USP48: variants seen among roughly 807,000 people sequenced by gnomAD.
USP48 encodes ubiquitin carboxyl-terminal hydrolase 48.
In USP48, 43 loss-of-function variants were observed where a neutral mutation model predicts 150.7. The ratio of observed to expected loss-of-function variants is 0.29; its 90% CI spans 0.22 to 0.37. USP48 has a LOEUF of 0.37. Among genes scored for constraint, USP48 ranks in the 10% least tolerant of loss-of-function variants. USP48 has a pLI of 1.00. For synonymous variants in USP48, 396 were observed against 425.9 expected (o/e 0.93, Z 0.86); for missense variants, 813 against 1,249.6 (o/e 0.65, Z 5.27).
At chr1:21,753,628 A>G (rs913054043) in intron 3 of USP48, among the ~76,000 whole-genome samples, 1 of 151,758 alleles carries the variant, frequency 6.6e-6, no homozygotes, top group African/African-American at 2.4e-5. Context: ...GGAGTTCAAG[A>G]CCAGCCTGGC....
rs760049862 is a variant in USP48, at chr1:21,723,992, C to T, written c.1554G>A (p.Lys518=). The stretch of plus-strand genomic sequence containing the variant: ...TAATTGATATTTTATCCGGGTGAAG[C>T]TTGTCATGGGAACACAGGCAAGCGT... The part of the protein sequence containing the change: ...DNHACLCSHD[K]LHPDKISIMK... Residue 518 remains lysine (K), a synonymous_variant, in exon 12 of 27, where the codon AAG becomes AAA. Coordinates refer to ENST00000308271, the MANE Select transcript of USP48 (RefSeq NM_032236.8). The T allele has an allele frequency of 1.2e-6, 2 of 1,614,144 alleles. No individual in the cohort carries two copies. Among genetic ancestry groups the T allele is most frequent in the East Asian group, 2.2e-5 (1 of 44,886 alleles).
At chr1:21,695,499 C>T (rs1449158520) in intron 22 of USP48, among the ~76,000 whole-genome samples, 1 of 152,168 alleles carries the variant, frequency 6.6e-6, no homozygotes, top group African/African-American at 2.4e-5. Flanking sequence ...AGGCTCCCAC[C>T]TATAATCCCA....
intron 15 of USP48, among the ~76,000 whole-genome samples, chr1:21,708,081 G>A (rs1026201181): frequency 2.6e-5 from 4 of 152,140 alleles, no homozygotes; most frequent in African/African-American, 7.2e-5. Flanking sequence ...AGGACTCCTT[G>A]AGCCTAGGAG....
chr1:21,689,304 C>T (rs1470125882), intron 24 of USP48, among the ~76,000 whole-genome samples: 1 of 64,080 alleles, frequency 1.6e-5, no homozygotes, highest in African/African-American at 6.6e-5. Flanking sequence ...CCATCTAGTC[C>T]AAAAAAAGGA....
At position 21,679,393 on chromosome 1, in the gene USP48, T is replaced by G. The variant is rs1298512658; in HGVS notation, c.*24A>C. ...CTCCTCTTCCCCTCTGGTCATTTCT[T>G]AGCAGTCAGCAAGTATTCAAAGATT... On this transcript the variant is annotated 3_prime_UTR_variant, in exon 27 of 27. Transcript: ENST00000308271. The G allele has an allele frequency of 6.2e-7, 1 of 1,614,108 alleles. No individual in the cohort carries two copies.
intron 25 of USP48, among the ~76,000 whole-genome samples, chr1:21,682,602 C>A (rs1327607252): frequency 1.3e-5 from 2 of 152,110 alleles, no homozygotes; most frequent in Admixed American, 1.3e-4. Flanking sequence ...GTGGGCCAGG[C>A]GTAGTGGCTC....
intron 1 of USP48, among the ~76,000 whole-genome samples, chr1:21,772,511 T>C (rs61777166): frequency 0.07 from 10,588 of 150,610 alleles, 531 homozygotes; most frequent in East Asian, 0.22. Flanking sequence ...TAGTCCCAGC[T>C]ACTTGGGAGG....
At position 21,729,841 on chromosome 1, in the gene USP48, G is replaced by C. The variant is rs1571886469; in HGVS notation, c.1172-9C>G. 2.5e-6 allele frequency: 4 copies of C among 1,613,796 alleles called. No individual in the cohort carries two copies. Among genetic ancestry groups the C allele is most frequent in the African/African-American group, 1.3e-5 (1 of 74,906 alleles). On this transcript the variant is annotated splice_polypyrimidine_tract_variant and intron_variant, in intron 9 of 26. Transcript: ENST00000308271. Reference sequence around the variant, plus strand: ...AGACTTAGAAGGTTCTGCTGAGATAGAGAAATCAAAAGGTACCTTAACTTA... The same window carrying C: ...AGACTTAGAAGGTTCTGCTGAGATACAGAAATCAAAAGGTACCTTAACTTA...
intron 20 of USP48, 41 bp downstream of exon 20, chr1:21,704,221 A>G: frequency 6.3e-7 from 1 of 1,584,862 alleles, no homozygotes. Context: ...TTAAAATGTC[A>G]GCTCTTAACT....
chr1:21,695,301 C>G lies in USP48; in HGVS notation c.2728-80G>C. The G allele has an allele frequency of 2.1e-6, 3 of 1,448,386 alleles. No homozygotes were observed. In the South Asian group the frequency reaches 4.2e-5, roughly 20 times the overall value. The allele number at this position is 1,448,386 out of a possible 1,614,324, so 89.7% of individuals were successfully genotyped here. A position where few individuals can be genotyped will look rare whatever the true frequency, so the allele number is the denominator to read the frequency against. On this transcript the variant is annotated intron_variant, in intron 22 of 26. Coordinates refer to ENST00000308271, the MANE Select transcript of USP48 (RefSeq NM_032236.8). Reference sequence around the variant, plus strand: ...TTGCTCATGAAGTTTTTCAGGTAAACAAAAGCTGTTTCCTTATTGGTCCCT... The same window carrying G: ...TTGCTCATGAAGTTTTTCAGGTAAAGAAAAGCTGTTTCCTTATTGGTCCCT...
At chr1:21,731,993 T>G (rs867936579) in intron 9 of USP48, among the ~76,000 whole-genome samples, 1 of 152,082 alleles carries the variant, frequency 6.6e-6, no homozygotes, top group East Asian at 1.9e-4. Context: ...ATGAAAACGA[T>G]TTTCAAATTG....
At chr1:21,701,636 C>T (rs1455431317) in intron 21 of USP48, 34 bp from the exon 22 acceptor site, 1 of 1,597,482 alleles carries the variant, frequency 6.3e-7, no homozygotes, top group East Asian at 2.2e-5. Context: ...AGAAGTAGGT[C>T]AGACCCTAGG....
intron 1 of USP48, among the ~76,000 whole-genome samples, chr1:21,781,118 A>G (rs1226347208): frequency 3.5e-5 from 5 of 143,386 alleles, no homozygotes; most frequent in Non-Finnish European, 4.6e-5. Context: ...CGCTGTCTCG[A>G]AAAAAAAAAA....
Position 21,690,107 on chromosome 1 carries a change from A to G in USP48, c.2884-8T>C, listed in dbSNP as rs770742993. 1 of 1,610,820 alleles carries G rather than the reference A, an allele frequency of 6.2e-7. No homozygotes were observed. The highest frequency in any genetic ancestry group is 1.7e-5 in the Admixed American group (1 of 59,466). ...TGAAAATGCATGCATGATCTGTGCC[A>G]ATATAAAAGAGAGAAAGTCCGTATA... is the stretch of plus-strand genomic sequence containing the variant. On this transcript the variant is annotated splice_region_variant and splice_polypyrimidine_tract_variant and intron_variant, in intron 23 of 26. Transcript: ENST00000308271.
In USP48 at chr1:21,679,033, T is replaced by A. The variant is rs1285301514; in HGVS notation, c.*384A>T. The A allele has an allele frequency of 3.0e-6, 1 of 332,530 alleles. No individual in the cohort carries two copies. The highest frequency in any genetic ancestry group is 5.6e-6 in the Non-Finnish European group (1 of 177,120). The allele number at this position is 332,530 out of a possible 1,614,324, so 20.6% of individuals were successfully genotyped here. On this transcript the variant is annotated 3_prime_UTR_variant, in exon 27 of 27. Coordinates refer to ENST00000308271, the MANE Select transcript of USP48 (RefSeq NM_032236.8). ...TTGTCCCATCTACTTGATACAATCC[T>A]TTATGGACCAACGCATCTGGTATGA...
intron 13 of USP48, 48 bp from the exon 14 acceptor site, chr1:21,721,214 A>G: frequency 6.2e-7 from 1 of 1,603,576 alleles, no homozygotes; most frequent in Non-Finnish European, 8.5e-7. Context: ...ATTTCCAAAC[A>G]CTGTCCTCCC....
intron 9 of USP48, among the ~76,000 whole-genome samples, chr1:21,734,465 A>G (rs1414545726): frequency 6.6e-6 from 1 of 152,238 alleles, no homozygotes; most frequent in Non-Finnish European, 1.5e-5. Context: ...TCTCCAAGCT[A>G]CATGAATGGA....
At chr1:21,728,163 CTG>C (rs1222596456) in intron 11 of USP48, 11 of 989,300 alleles carry the variant, frequency 1.1e-5, no homozygotes, top group Non-Finnish European at 1.3e-5. Flanking sequence ...ATCAAAAAAA[CTG>C]TATTCATATA....
intron 3 of USP48, among the ~76,000 whole-genome samples, chr1:21,754,593 A>C (rs2097826668): frequency 6.6e-6 from 1 of 152,164 alleles, no homozygotes; most frequent in Non-Finnish European, 1.5e-5. Flanking sequence ...CAAGAAGGTA[A>C]GGCTTCTCAG....
Sources: gnomAD v4.1 joint callset for allele counts (sites outside exome capture counted in the v4.1 genomes callset) on GRCh38, gnomAD v4.1.1 for gene constraint, MANE v1.5 for transcripts, NCBI Gene and HGNC (gene_info 2026-07-23, HGNC 2026-07-21) for gene names.